The following OSBPL11 variants were observed in gnomAD, a reference collection of about 807,000 sequenced individuals.
OSBPL11 encodes the protein oxysterol-binding protein-related protein 11.
Under a neutral mutation model 84.4 loss-of-function variants are expected in OSBPL11, and 33 were observed. The observed-to-expected ratio is 0.39, with a 90% CI of 0.30 to 0.52. The LOEUF is 0.52. OSBPL11 is among the 20% of genes least tolerant of loss of function. The pLI is 0.72. For synonymous variants in OSBPL11, 276 were observed against 310.2 expected, an observed-to-expected ratio of 0.89 and a Z score of 1.16; for missense variants, 736 against 901.1, an observed-to-expected ratio of 0.82 and a Z score of 2.35.
rs547217334 is a variant in OSBPL11 at position 125,585,327 on chromosome 3, C to T, written c.165-2349G>A. Among the ~76,000 whole-genome samples the T allele has an allele frequency of 5.9e-5, 9 of 151,926 alleles. No individual in the cohort carries two copies. The South Asian group carries it at 8.3e-4, about 14-fold the overall frequency. On this transcript the variant is annotated intron_variant, in intron 1 of 12. Coordinates refer to ENST00000296220, the MANE Select transcript of OSBPL11 (RefSeq NM_022776.5). ...TGTATTTTTAGTAGAGATGGAGTTT[C>T]GTAAAGATGGGTTGGCCAGGCTGGT...
Position 125,594,708 on chromosome 3 carries a change from G to A in OSBPL11, c.93C>T (p.Asn31=). The A allele has an allele frequency of 6.2e-7, 1 of 1,614,176 alleles. No individual in the cohort carries two copies. Among genetic ancestry groups the A allele is most frequent in the South Asian group, 1.1e-5 (1 of 91,086 alleles). The part of the protein sequence containing the change: ...GQATAVTPNK[N]SSCGGGISSS... ...TACTGATTCCACCTCCACAGCTGCT[G>A]TTCTTGTTCGGGGTCACCGCTGTGG... The change falls in exon 1 of 13, where the codon AAC becomes AAT. Residue 31 remains asparagine, a synonymous_variant. Transcript: ENST00000296220.
intron 4 of OSBPL11, among the ~76,000 whole-genome samples, chr3:125,578,551 C>G (rs1218594805): frequency 6.6e-6 from 1 of 152,178 alleles, no homozygotes. Flanking sequence ...CGAGGCCAGC[C>G]TGGCCAACAT....
intron 10 of OSBPL11, among the ~76,000 whole-genome samples, chr3:125,540,575 A>C (rs1399035770): frequency 6.6e-6 from 1 of 152,164 alleles, no homozygotes; most frequent in Non-Finnish European, 1.5e-5. Context: ...TTGAAAATTT[A>C]TCTCTATCAA....
chr3:125,552,150 T>C (rs1935920235), intron 9 of OSBPL11, 31 bp downstream of exon 9: 4 of 1,196,620 alleles, frequency 3.3e-6, no homozygotes, highest in Middle Eastern at 4.5e-4. Context: ...TGTATATATA[T>C]ATATATATAT....
intron 7 of OSBPL11, 131 bp from the exon 8 acceptor site, chr3:125,560,650 T>C (rs1204326626): frequency 6.8e-6 from 5 of 739,910 alleles, no homozygotes; most frequent in Non-Finnish European, 9.7e-6. Context: ...GGCAAAAATC[T>C]TTCAGAAATA....
At chr3:125,545,142 C>T (rs1331174018) in intron 10 of OSBPL11, among the ~76,000 whole-genome samples, 1 of 152,148 alleles carries the variant, frequency 6.6e-6, no homozygotes, top group Non-Finnish European at 1.5e-5. Flanking sequence ...TCACATGAAG[C>T]ATAATTACAT....
At position 125,529,489 on chromosome 3, in the gene OSBPL11, G is replaced by A. The variant is rs777924258; in HGVS notation, c.*1026C>T. ...AAATAAAACCATACCTTACATGCGC[G>A]TTCAGTTACACATATAAGTTTTGAA... On this transcript the variant is annotated 3_prime_UTR_variant, in exon 13 of 13. Coordinates refer to ENST00000296220, the MANE Select transcript of OSBPL11 (RefSeq NM_022776.5). 2.0e-5 allele frequency: 3 copies of A among 149,854 alleles called. No homozygotes were observed. Among genetic ancestry groups the A allele is most frequent in the South Asian group, 2.1e-4 (1 of 4,762 alleles). The allele number at this position is 149,854 out of a possible 1,614,324, so 9.3% of individuals were successfully genotyped here.
chr3:125,578,838 G>A (rs545940992), intron 4 of OSBPL11, 122 bp downstream of exon 4: 32 of 508,974 alleles, frequency 6.3e-5, no homozygotes, highest in South Asian at 1.1e-4. Context: ...AGGATTATAC[G>A]TATATACTTT....
At chr3:125,575,373 T>G (rs1029055575) in intron 5 of OSBPL11, among the ~76,000 whole-genome samples, 1 of 151,998 alleles carries the variant, frequency 6.6e-6, no homozygotes, top group Non-Finnish European at 1.5e-5. Flanking sequence ...ATATCAGTTA[T>G]ATATATAAAA....
At chr3:125,575,969 C>G (rs1040916507) in intron 5 of OSBPL11, among the ~76,000 whole-genome samples, 10 of 150,650 alleles carry the variant, frequency 6.6e-5, no homozygotes, top group African/African-American at 2.4e-4. Flanking sequence ...AAGATACACA[C>G]TTTTGAAAAA....
At chr3:125,552,088 A>T in intron 9 of OSBPL11, 93 bp downstream of exon 9, 1 of 754,676 alleles carries the variant, frequency 1.3e-6, no homozygotes, top group African/African-American at 1.8e-5. Context: ...AGCCTTTTAA[A>T]GTAAACTTTC....
chr3:125,574,155 C>T (rs759245087), intron 5 of OSBPL11, among the ~76,000 whole-genome samples: 2 of 151,816 alleles, frequency 1.3e-5, no homozygotes, highest in Non-Finnish European at 2.9e-5. Flanking sequence ...GTGGTGACAT[C>T]TGCATTAATG....
intron 8 of OSBPL11, among the ~76,000 whole-genome samples, chr3:125,555,903 A>G (rs2922186): frequency 0.56 from 85,523 of 151,864 alleles, 25,626 homozygotes; most frequent in African/African-American, 0.78. Flanking sequence ...GGCTGGTCTC[A>G]AACTCCTGGC....
intron 1 of OSBPL11, among the ~76,000 whole-genome samples, chr3:125,586,673 T>C (rs1936516117): frequency 6.6e-6 from 1 of 152,066 alleles, no homozygotes; most frequent in Non-Finnish European, 1.5e-5. Flanking sequence ...TGTGCCACCA[T>C]GCCTGGCTAC....
At chr3:125,594,004 T>C (rs1270155973) in intron 1 of OSBPL11, among the ~76,000 whole-genome samples, 1 of 152,262 alleles carries the variant, frequency 6.6e-6, no homozygotes, top group Non-Finnish European at 1.5e-5. Context: ...TGTTCATTCA[T>C]ATTAGTGAAA....
chr3:125,582,767 C>A, intron 2 of OSBPL11, 143 bp downstream of exon 2: 2 of 674,468 alleles, frequency 3.0e-6, no homozygotes, highest in South Asian at 2.0e-5. Flanking sequence ...AAGAAGTCAC[C>A]AAACTTTTAG....
chr3:125,559,571 G>A (rs889157520), intron 8 of OSBPL11, among the ~76,000 whole-genome samples: 5 of 151,976 alleles, frequency 3.3e-5, no homozygotes, highest in East Asian at 1.9e-4. Context: ...TAGTAGAGAC[G>A]GGGTTTCACC....
chr3:125,559,724 T>C (rs1408555257), intron 8 of OSBPL11, among the ~76,000 whole-genome samples: 3 of 151,724 alleles, frequency 2.0e-5, no homozygotes, highest in Non-Finnish European at 4.4e-5. Context: ...GCCTCCTGAG[T>C]TGGGGTTTCA....
At chr3:125,547,349 G>A in intron 10 of OSBPL11, 57 bp downstream of exon 10, 1 of 1,427,646 alleles carries the variant, frequency 7.0e-7, no homozygotes, top group East Asian at 2.3e-5. Context: ...ATAAGGAGTT[G>A]TAATACAAAA....
Sources: allele counts gnomAD v4.1 joint callset (sites outside exome capture counted in the v4.1 genomes callset), GRCh38; gene constraint gnomAD v4.1.1; transcripts MANE v1.5; gene names NCBI Gene and HGNC (gene_info 2026-07-23, HGNC 2026-07-21).